INTS9: variants seen among roughly 807,000 people sequenced by gnomAD.
INTS9 encodes protein related to CPSF subunits of 74 kDa.
Under a neutral mutation model 79.7 loss-of-function variants are expected in INTS9, and 55 were observed. That is an observed-to-expected ratio of 0.69 (90% CI 0.56 to 0.86). The LOEUF (loss-of-function observed/expected upper bound fraction) is 0.86, where lower values mean the gene tolerates loss of function less well. Among genes scored for constraint, INTS9 ranks in the 40% least tolerant of loss-of-function variants. The probability of loss-of-function intolerance (pLI) is 0.00; values close to 1 mark genes in which losing one functional copy is unlikely to be tolerated. For synonymous variants in INTS9, 319 were observed against 325.2 expected, an observed-to-expected ratio of 0.98 and a Z score of 0.20; for missense variants, 721 against 831.5, an observed-to-expected ratio of 0.87 and a Z score of 1.64.
At position 28,796,640 on chromosome 8, in the gene INTS9, A is replaced by C; in HGVS notation, c.760T>G (p.Ser254Ala). ...TTHPQPMDQA[S>A]LKNSDVLVLT... ...ACAAGAACATCGCTGTTTTTGAGAGAAGCTTGGTCCATGGGCTGAAAAAGA... is the reference window on the plus strand; with the variant it reads ...ACAAGAACATCGCTGTTTTTGAGAGCAGCTTGGTCCATGGGCTGAAAAAGA... Residue 254 changes from serine (S) to alanine (A), a missense_variant, in exon 9 of 17, where the codon TCT becomes GCT. Ser to Ala is a moderately conservative substitution (Grantham distance 99, BLOSUM62 1). This residue lies in a region of INTS9 where 291 missense variants were observed against 307.0 expected (regional missense o/e 0.95). Coordinates refer to ENST00000521022, the MANE Select transcript of INTS9 (RefSeq NM_018250.4). 6.2e-7 allele frequency: 1 copy of C among 1,612,866 alleles called. No homozygotes were observed. The highest frequency in any genetic ancestry group is 8.5e-7 in the Non-Finnish European group (1 of 1,178,862).
chr8:28,881,610 C>A (rs1809819154), intron 1 of INTS9, among the ~76,000 whole-genome samples: 1 of 120,626 alleles, frequency 8.3e-6, no homozygotes, highest in Non-Finnish European at 1.8e-5. Context: ...CCAGCCGCCC[C>A]GTCCGGGAGG....
At chr8:28,842,856 T>C (rs1338768182) in intron 4 of INTS9, among the ~76,000 whole-genome samples, 3 of 152,212 alleles carry the variant, frequency 2.0e-5, no homozygotes, top group Non-Finnish European at 4.4e-5. Context: ...ATTTTCATGA[T>C]GTTCTATTGG....
intron 2 of INTS9, among the ~76,000 whole-genome samples, chr8:28,851,078 G>C (rs1486744973): frequency 1.3e-5 from 2 of 152,192 alleles, no homozygotes; most frequent in African/African-American, 2.4e-5. Flanking sequence ...GCTTAATGAA[G>C]AAGGCAATGT....
intron 10 of INTS9, among the ~76,000 whole-genome samples, chr8:28,791,469 C>T (rs1324511498): frequency 2.6e-5 from 4 of 152,160 alleles, no homozygotes; most frequent in African/African-American, 4.8e-5. Context: ...ACATCACCGC[C>T]GGCAGACCAC....
At chr8:28,780,518 C>T (rs1803192438) in intron 12 of INTS9, 21 of 985,286 alleles carry the variant, frequency 2.1e-5, no homozygotes, top group Non-Finnish European at 2.5e-5. Context: ...AAAACAACAC[C>T]GTTACTGAAT....
intron 12 of INTS9, among the ~76,000 whole-genome samples, chr8:28,779,584 A>G (rs1803117605): frequency 3.3e-5 from 5 of 152,200 alleles, no homozygotes; most frequent in Admixed American, 2.0e-4. Flanking sequence ...AGAATGAGTT[A>G]AGAAACCCAT....
chr8:28,841,982 G>A lies in INTS9; in HGVS notation c.262-4206C>T, dbSNP rs191774569. Among the ~76,000 whole-genome samples, 630 of 152,184 alleles carry A rather than the reference G, an allele frequency of 4.1e-3. 3 individuals carry two copies. The highest frequency in any genetic ancestry group is 6.8e-3 in the Non-Finnish European group (460 of 67,992). The stretch of plus-strand genomic sequence containing the variant: ...TGCACACATGTAGTCCCAGCTACTC[G>A]GAGGCTGAGACAGGAGGATCACTTC... On this transcript the variant is annotated intron_variant, in intron 4 of 16. Coordinates refer to ENST00000521022, the MANE Select transcript of INTS9 (RefSeq NM_018250.4).
intron 6 of INTS9, among the ~76,000 whole-genome samples, chr8:28,815,487 T>C (rs1488132755): frequency 2.0e-5 from 3 of 152,188 alleles, no homozygotes; most frequent in African/African-American, 7.2e-5. Flanking sequence ...TGGTCTAAAA[T>C]CTGCAGCTTT....
chr8:28,812,608 C>G, intron 7 of INTS9, 147 bp from the exon 8 acceptor site: 1 of 860,912 alleles, frequency 1.2e-6, no homozygotes, highest in Non-Finnish European at 1.7e-6. Flanking sequence ...CAATGGCTCA[C>G]GCCTGTAATC....
At chr8:28,811,475 A>G (rs241156) in intron 8 of INTS9, among the ~76,000 whole-genome samples, 119,718 of 151,300 alleles carry the variant, frequency 0.79, 47,553 homozygotes, top group Non-Finnish European at 0.81. Context: ...GCACTGGAGT[A>G]CGGTGGCGCA....
At chr8:28,805,301 C>G (rs181223911) in intron 8 of INTS9, among the ~76,000 whole-genome samples, 1 of 152,220 alleles carries the variant, frequency 6.6e-6, no homozygotes, top group African/African-American at 2.4e-5. Flanking sequence ...TTTATCCTAT[C>G]GAAGTTTTTT....
intron 12 of INTS9, among the ~76,000 whole-genome samples, chr8:28,778,438 G>C (rs1181975363): frequency 6.6e-6 from 1 of 152,194 alleles, no homozygotes; most frequent in Non-Finnish European, 1.5e-5. Context: ...CAGTGGAGAG[G>C]CCTGGTACAG....
At chr8:28,838,312 G>A (rs575981529) in intron 4 of INTS9, among the ~76,000 whole-genome samples, 18 of 151,990 alleles carry the variant, frequency 1.2e-4, no homozygotes, top group Admixed American at 6.6e-4. Context: ...CCTAAAAAGC[G>A]TAGTGGCAGT....
chr8:28,834,330 T>C (rs959544778), intron 6 of INTS9, among the ~76,000 whole-genome samples: 6 of 152,108 alleles, frequency 3.9e-5, no homozygotes, highest in African/African-American at 1.4e-4. Flanking sequence ...ACGTAGTCAT[T>C]AGCCTCCTTA....
At chr8:28,818,997 T>C (rs1805667260) in intron 6 of INTS9, among the ~76,000 whole-genome samples, 1 of 152,206 alleles carries the variant, frequency 6.6e-6, no homozygotes, top group Non-Finnish European at 1.5e-5. Flanking sequence ...TCGGTGGTGA[T>C]ATCCCCTTTA....
intron 1 of INTS9, 116 bp downstream of exon 1, chr8:28,889,758 C>T: frequency 8.5e-7 from 1 of 1,181,984 alleles, no homozygotes; most frequent in Non-Finnish European, 1.2e-6. Flanking sequence ...CTCCACTTTC[C>T]AGCTCAATAA....
intron 4 of INTS9, among the ~76,000 whole-genome samples, chr8:28,838,796 C>T (rs914258636): frequency 2.0e-5 from 3 of 152,092 alleles, no homozygotes; most frequent in Admixed American, 6.5e-5. Context: ...GCTGGGATTA[C>T]ACCAAGCCAC....
Position 28,837,761 on chromosome 8 carries a change from GATCT to G in INTS9, c.273_276del (p.Asp92CysfsTer4). On this transcript the variant is annotated frameshift_variant, in exon 5 of 17. Coordinates refer to ENST00000521022, the MANE Select transcript of INTS9 (RefSeq NM_018250.4). LOFTEE classifies it high-confidence loss of function. ...ATGAGAATCACATCTACTGTAGACA[GATCT>G]ATTAGCTCCGTCTGAAAAGAAAGGG... 6.2e-7 allele frequency: 1 copy of G among 1,613,326 alleles called. No individual in the cohort carries two copies. The highest frequency in any genetic ancestry group is 8.5e-7 in the Non-Finnish European group (1 of 1,179,464).
intron 1 of INTS9, among the ~76,000 whole-genome samples, chr8:28,869,190 A>T (rs117684780): frequency 2.0e-5 from 3 of 152,214 alleles, no homozygotes; most frequent in African/African-American, 4.8e-5. Context: ...CTTTAAAAAA[A>T]ATATTTTATT....
Sources: gnomAD v4.1 joint callset for allele counts (sites outside exome capture counted in the v4.1 genomes callset) on GRCh38, gnomAD v4.1.1 for gene constraint, gnomAD v4.1.1 regional missense constraint, MANE v1.5 for transcripts, NCBI Gene and HGNC (gene_info 2026-07-23, HGNC 2026-07-21) for gene names.